Variants in SPECC1 observed in about 807,000 individuals in gnomAD.
The protein encoded by SPECC1 is sperm antigen with calponin homology and coiled-coil domains 1, also known as cytospin-B.
Under a neutral mutation model 104.1 loss-of-function variants are expected in SPECC1, and 62 were observed. That is an observed-to-expected ratio of 0.60 (90% CI 0.49 to 0.74). The LOEUF is 0.74. SPECC1 is among the 30% of genes least tolerant of loss of function. The pLI is 0.00. For synonymous variants in SPECC1, 513 were observed against 501.6 expected (o/e 1.02, Z -0.30); for missense variants, 1,306 against 1,310.5 (o/e 1.00, Z 0.05).
chr17:20,208,057 T>C (rs937226546), intron 4 of SPECC1, among the ~76,000 whole-genome samples: 1 of 152,198 alleles, frequency 6.6e-6, no homozygotes, highest in African/African-American at 2.4e-5. Flanking sequence ...AAATCTGGAA[T>C]CTTCTGGAAT....
At chr17:20,092,191 C>T (rs2047431613) in intron 1 of SPECC1, among the ~76,000 whole-genome samples, 1 of 151,858 alleles carries the variant, frequency 6.6e-6, no homozygotes, top group Non-Finnish European at 1.5e-5. Flanking sequence ...AAAGAAAACA[C>T]CCCTGGAACG....
At chr17:20,091,062 T>C (rs991271606) in intron 1 of SPECC1, among the ~76,000 whole-genome samples, 1 of 152,224 alleles carries the variant, frequency 6.6e-6, no homozygotes, top group Non-Finnish European at 1.5e-5. Flanking sequence ...AAATGTTCTT[T>C]TCCATTTAGT....
At chr17:20,248,625 G>A (rs927715863) in intron 9 of SPECC1, among the ~76,000 whole-genome samples, 2 of 152,128 alleles carry the variant, frequency 1.3e-5, no homozygotes, top group African/African-American at 4.8e-5. Flanking sequence ...GTAAGGTGGA[G>A]CACTTCTTCG....
chr17:20,241,775 A>G (rs948961921), intron 7 of SPECC1, among the ~76,000 whole-genome samples: 4 of 152,242 alleles, frequency 2.6e-5, no homozygotes, highest in Non-Finnish European at 4.4e-5. Flanking sequence ...GAGACAAAGT[A>G]CTTCATAATT....
intron 3 of SPECC1, among the ~76,000 whole-genome samples, chr17:20,147,477 G>A (rs1382603722): frequency 1.3e-5 from 2 of 152,154 alleles, no homozygotes; most frequent in African/African-American, 4.8e-5. Context: ...GGAATTGTGT[G>A]TGTGTTTTTT....
chr17:20,024,698 C>G (rs932140829), intron 1 of SPECC1, among the ~76,000 whole-genome samples: 2 of 152,140 alleles, frequency 1.3e-5, no homozygotes, highest in Non-Finnish European at 2.9e-5. Flanking sequence ...CCCTTGTTTT[C>G]TGCTTTGCAC....
chr17:20,082,208 A>T (rs2047002012), intron 1 of SPECC1, among the ~76,000 whole-genome samples: 2 of 152,154 alleles, frequency 1.3e-5, no homozygotes, highest in African/African-American at 2.4e-5. Context: ...CAGTTTTCAC[A>T]TGTCAACCTC....
chr17:20,229,995 G>A (rs1274739972), intron 5 of SPECC1, among the ~76,000 whole-genome samples: 1 of 152,230 alleles, frequency 6.6e-6, no homozygotes, highest in Non-Finnish European at 1.5e-5. Context: ...GCAGGCAGGG[G>A]AGGTTCTGCA....
intron 1 of SPECC1, among the ~76,000 whole-genome samples, chr17:20,062,294 T>C (rs1050488541): frequency 4.6e-5 from 7 of 151,648 alleles, no homozygotes; most frequent in South Asian, 2.1e-4. Flanking sequence ...AGTCTAAACA[T>C]ACCGTAACAG....
intron 3 of SPECC1, among the ~76,000 whole-genome samples, chr17:20,178,383 TTC>T (rs1007720122): frequency 1.2e-4 from 19 of 152,302 alleles, no homozygotes; most frequent in African/African-American, 4.1e-4. Context: ...TTCTGTGTTT[TTC>T]TCTGTGTGAT....
At chr17:20,020,329 GTTTTTTTAT>G (rs1040827276) in intron 1 of SPECC1, among the ~76,000 whole-genome samples, 16 of 151,830 alleles carry the variant, frequency 1.1e-4, no homozygotes, top group African/African-American at 3.6e-4. Flanking sequence ...CCCTTTCTCT[GTTTTTTTAT>G]TTTTTTTATT....
chr17:20,311,101 GTTTT>G lies in SPECC1; in HGVS notation c.3118-2859_3118-2856del, dbSNP rs58086529. 3.3e-4 allele frequency among the ~76,000 whole-genome samples: 31 copies of G among 94,150 alleles called. No homozygotes were observed. The East Asian group carries it at 8.0e-3, about 24-fold the overall frequency. 61.8% of individuals were successfully genotyped at this position (94,150 alleles called of 152,430 possible). Reference sequence around the variant, plus strand: ...CTTGTTAGATTTAGACCTTAGTGGGGTTTTTTTTTTTTTTTTTTTGGTGCTATTG... The same window carrying G: ...CTTGTTAGATTTAGACCTTAGTGGGGTTTTTTTTTTTTTTTGGTGCTATTG... On this transcript the variant is annotated intron_variant, in intron 14 of 14. Coordinates refer to ENST00000395527, the MANE Select transcript of SPECC1 (RefSeq NM_001243439.2).
chr17:20,135,540 C>T (rs1597792152), intron 3 of SPECC1, among the ~76,000 whole-genome samples: 2 of 152,148 alleles, frequency 1.3e-5, no homozygotes, highest in South Asian at 4.1e-4. Context: ...CAGCCTTGAC[C>T]TCCTGGTCCC....
intron 14 of SPECC1, among the ~76,000 whole-genome samples, chr17:20,312,492 A>G (rs985872797): frequency 2.0e-5 from 3 of 152,224 alleles, no homozygotes; most frequent in African/African-American, 4.8e-5. Flanking sequence ...TCCATAATAC[A>G]GAGGAAAGTG....
At chr17:20,182,653 A>G (rs905704945) in intron 3 of SPECC1, among the ~76,000 whole-genome samples, 1 of 152,226 alleles carries the variant, frequency 6.6e-6, no homozygotes, top group African/African-American at 2.4e-5. Flanking sequence ...ACCTAATGTC[A>G]TATAAGTACG....
At chr17:20,177,871 G>A (rs892101072) in intron 3 of SPECC1, among the ~76,000 whole-genome samples, 3 of 151,864 alleles carry the variant, frequency 2.0e-5, no homozygotes, top group South Asian at 2.1e-4. Context: ...CACCACGCCC[G>A]GCTAATTTTT....
chr17:20,217,165 T>C (rs971574646), intron 4 of SPECC1, among the ~76,000 whole-genome samples: 1 of 152,170 alleles, frequency 6.6e-6, no homozygotes, highest in African/African-American at 2.4e-5. Flanking sequence ...TCTCTTCATA[T>C]GTTATTCTGT....
chr17:20,177,413 C>G (rs1032082151), intron 3 of SPECC1, among the ~76,000 whole-genome samples: 9 of 151,962 alleles, frequency 5.9e-5, no homozygotes, highest in Non-Finnish European at 1.2e-4. Flanking sequence ...ATGAAGAAAC[C>G]AAATAAATAG....
chr17:20,287,376 C>T (rs1428377966), intron 12 of SPECC1, among the ~76,000 whole-genome samples: 1 of 144,340 alleles, frequency 6.9e-6, no homozygotes, highest in African/African-American at 2.6e-5. Flanking sequence ...GAGATTGCGC[C>T]ACTGCAGTCC....
Sources: allele counts gnomAD v4.1 joint callset (sites outside exome capture counted in the v4.1 genomes callset), GRCh38; gene constraint gnomAD v4.1.1; transcripts MANE v1.5; gene names NCBI Gene and HGNC (gene_info 2026-07-23, HGNC 2026-07-21).